The following FHIT variants were observed in gnomAD, a reference collection of about 807,000 sequenced individuals.
The protein encoded by FHIT is fragile histidine triad diadenosine triphosphatase.
A neutral mutation model predicts 17.9 loss-of-function variants in FHIT; 19 were observed. That is an observed-to-expected ratio of 1.06 (90% CI 0.74 to 1.56). The LOEUF (loss-of-function observed/expected upper bound fraction) is 1.56, where lower values mean the gene tolerates loss of function less well. Ranked by LOEUF, FHIT falls within the 40% of genes most tolerant of loss-of-function variation. The probability of loss-of-function intolerance (pLI) is 0.00; values close to 1 mark genes in which losing one functional copy is unlikely to be tolerated. For missense variants in FHIT, 248 were observed against 189.2 expected (o/e 1.31, Z -1.82); for synonymous variants, 81 against 69.7 (o/e 1.16, Z -0.81).
At chr3:60,034,880 G>A (rs966198373) in intron 5 of FHIT, among the ~76,000 whole-genome samples, 3 of 152,308 alleles carry the variant, frequency 2.0e-5, no homozygotes, top group African/African-American at 7.2e-5. Context: ...GCCATTCACA[G>A]CATTGAGTTT....
At chr3:60,551,626 G>A (rs2036562530) in intron 4 of FHIT, among the ~76,000 whole-genome samples, 1 of 134,684 alleles carries the variant, frequency 7.4e-6, no homozygotes, top group African/African-American at 2.9e-5. Context: ...TGGGTGTGGT[G>A]GCATGCACCT....
At chr3:61,063,183 G>A (rs1195044464) in intron 2 of FHIT, among the ~76,000 whole-genome samples, 2 of 145,146 alleles carry the variant, frequency 1.4e-5, no homozygotes, top group Non-Finnish European at 3.0e-5. Context: ...GTAAACCCGG[G>A]AGGCAGAGCT....
intron 8 of FHIT, among the ~76,000 whole-genome samples, chr3:59,909,688 A>C (rs1198646182): frequency 6.6e-6 from 1 of 152,196 alleles, no homozygotes; most frequent in Non-Finnish European, 1.5e-5. Context: ...TCACACACAC[A>C]TGTATTTCCC....
At chr3:59,908,555 G>A (rs1230342689) in intron 8 of FHIT, among the ~76,000 whole-genome samples, 2 of 152,150 alleles carry the variant, frequency 1.3e-5, no homozygotes, top group East Asian at 1.9e-4. Flanking sequence ...GACCAAAGAT[G>A]CACACAAGGA....
intron 3 of FHIT, among the ~76,000 whole-genome samples, chr3:60,956,856 G>A (rs2107480418): frequency 6.6e-6 from 1 of 152,162 alleles, no homozygotes; most frequent in East Asian, 1.9e-4. Flanking sequence ...TATACGTTAG[G>A]CCACAGGCTT....
intron 5 of FHIT, among the ~76,000 whole-genome samples, chr3:60,127,973 G>A (rs1325620798): frequency 1.3e-5 from 2 of 152,066 alleles, no homozygotes; most frequent in Non-Finnish European, 2.9e-5. Flanking sequence ...CACAAAGTCA[G>A]CAAAACCTTT....
chr3:60,860,120 A>ATGATATATCTGATATATGATATATAT (rs1559777931), intron 3 of FHIT, among the ~76,000 whole-genome samples: 2,515 of 101,874 alleles, frequency 0.025, 290 homozygotes, highest in South Asian at 0.056. Context: ...ATGATATATA[A>ATGATATATCTGATATATGATATATAT]ATGATATATC....
chr3:60,104,243 C>T (rs1011463007), intron 5 of FHIT, among the ~76,000 whole-genome samples: 16 of 152,156 alleles, frequency 1.1e-4, no homozygotes, highest in African/African-American at 3.9e-4. Flanking sequence ...AAGAAAATCA[C>T]CTCCTTGTCA....
chr3:61,047,595 T>C lies in FHIT; in HGVS notation c.-163-5496A>G, dbSNP rs1429252067. On this transcript the variant is annotated intron_variant, in intron 2 of 9. Transcript: ENST00000492590. ...AGATTCAATGCCATCCCCATCAAGC[T>C]ACCAATGACTTTCTTCATAGGATTG... 2.6e-5 allele frequency among the ~76,000 whole-genome samples: 4 copies of C among 152,326 alleles called. No homozygotes were observed. The South Asian group carries it at 8.3e-4, about 32-fold the overall frequency.
chr3:59,936,273 T>A (rs1706235301), intron 7 of FHIT, among the ~76,000 whole-genome samples: 1 of 152,112 alleles, frequency 6.6e-6, no homozygotes, highest in Non-Finnish European at 1.5e-5. Flanking sequence ...AATATCTATT[T>A]TTTTATTTAT....
chr3:59,916,255 G>A (rs373669609), intron 8 of FHIT, among the ~76,000 whole-genome samples: 2 of 151,994 alleles, frequency 1.3e-5, no homozygotes, highest in South Asian at 2.1e-4. Context: ...CTCGAACATC[G>A]GACTCCAAGT....
At chr3:60,892,551 G>T (rs1230565387) in intron 3 of FHIT, among the ~76,000 whole-genome samples, 1 of 152,186 alleles carries the variant, frequency 6.6e-6, no homozygotes, top group African/African-American at 2.4e-5. Context: ...ACTCTGCTCA[G>T]CACCTTCTTA....
intron 2 of FHIT, among the ~76,000 whole-genome samples, chr3:61,125,370 A>G (rs962895251): frequency 6.6e-6 from 1 of 152,238 alleles, no homozygotes; most frequent in African/African-American, 2.4e-5. Flanking sequence ...AGATATTTGA[A>G]ATCATTTTAG....
chr3:60,921,547 T>C (rs1332275663), intron 3 of FHIT, among the ~76,000 whole-genome samples: 1 of 152,250 alleles, frequency 6.6e-6, no homozygotes, highest in Non-Finnish European at 1.5e-5. Flanking sequence ...AATATATTCA[T>C]GATATTATAG....
intron 8 of FHIT, among the ~76,000 whole-genome samples, chr3:59,854,008 A>G (rs1039080786): frequency 2.0e-5 from 3 of 152,070 alleles, no homozygotes; most frequent in African/African-American, 7.2e-5. Flanking sequence ...AATAAAAATA[A>G]GACAAAGAAC....
At chr3:60,070,246 G>A (rs1367214730) in intron 5 of FHIT, among the ~76,000 whole-genome samples, 1 of 152,180 alleles carries the variant, frequency 6.6e-6, no homozygotes, top group Non-Finnish European at 1.5e-5. Flanking sequence ...GTGTTCTGAA[G>A]CAGTTAATCC....
intron 3 of FHIT, among the ~76,000 whole-genome samples, chr3:60,826,340 TTTTGA>T (rs1435134609): frequency 3.4e-5 from 5 of 148,846 alleles, no homozygotes; most frequent in African/African-American, 1.0e-4. Flanking sequence ...TTTTGTTTTG[TTTTGA>T]GATGGACTTT....
intron 2 of FHIT, among the ~76,000 whole-genome samples, chr3:61,093,875 G>A (rs1003754165): frequency 6.6e-6 from 1 of 152,146 alleles, no homozygotes; most frequent in Non-Finnish European, 1.5e-5. Flanking sequence ...ATGGTTACTA[G>A]TCTTGTTATA....
intron 4 of FHIT, among the ~76,000 whole-genome samples, chr3:60,656,151 T>C (rs2040110098): frequency 6.6e-6 from 1 of 152,160 alleles, no homozygotes; most frequent in Admixed American, 6.5e-5. Context: ...TTTTATCTCA[T>C]CTGAAACTCA....
Sources: gnomAD v4.1 joint callset for allele counts (sites outside exome capture counted in the v4.1 genomes callset) on GRCh38, gnomAD v4.1.1 for gene constraint, MANE v1.5 for transcripts, NCBI Gene and HGNC (gene_info 2026-07-23, HGNC 2026-07-21) for gene names.